The following TOMM7 variants were observed in gnomAD, a reference collection of about 807,000 sequenced individuals.
TOMM7 encodes mitochondrial import receptor subunit TOM7 homolog.
In TOMM7, 8 loss-of-function variants were observed where a neutral mutation model predicts 9.5. That is an observed-to-expected ratio of 0.84 (90% CI 0.49 to 1.51). The LOEUF is 1.51. TOMM7 is among the 40% of genes most tolerant of loss of function. The probability of loss-of-function intolerance (pLI) is 0.00; values close to 1 mark genes in which losing one functional copy is unlikely to be tolerated. For synonymous variants in TOMM7, 27 were observed against 21.4 expected (o/e 1.26, Z -0.72); for missense variants, 74 against 63.7 (o/e 1.16, Z -0.55).
chr7:22,820,802 A>C (rs1782377480), intron 1 of TOMM7, among the ~76,000 whole-genome samples: 1 of 152,212 alleles, frequency 6.6e-6, no homozygotes, highest in Non-Finnish European at 1.5e-5. Context: ...CTAGAAAAGT[A>C]ATGTTTTTTT....
In TOMM7 at chr7:22,822,117, C is replaced by T. The variant is rs779896642; in HGVS notation, c.103+560G>A. ...TCCCTCAGTCAGCATAGCTGTGCGACCTTGGCAAAAAAGTTTCTCTACGGC... is the reference window on the plus strand; with the variant it reads ...TCCCTCAGTCAGCATAGCTGTGCGATCTTGGCAAAAAAGTTTCTCTACGGC... On this transcript the variant is annotated intron_variant, in intron 1 of 2. Transcript: ENST00000358435. The T allele has an allele frequency of 1.1e-4, 176 of 1,547,776 alleles. No homozygotes were observed. The African/African-American group carries it at 2.2e-3, about 20-fold the overall frequency.
chr7:22,816,505 G>A (rs1433986091), intron 2 of TOMM7, among the ~76,000 whole-genome samples: 1 of 152,200 alleles, frequency 6.6e-6, no homozygotes, highest in Non-Finnish European at 1.5e-5. Context: ...AGGACTTAGT[G>A]GGGAATCTCT....
chr7:22,817,133 A>G (rs536666990), intron 2 of TOMM7, among the ~76,000 whole-genome samples: 1 of 152,344 alleles, frequency 6.6e-6, no homozygotes, highest in East Asian at 1.9e-4. Context: ...TAGTGCCACA[A>G]GTATCAGTCG....
chr7:22,822,377 T>C (rs1415511627), intron 1 of TOMM7: 2 of 1,232,082 alleles, frequency 1.6e-6, no homozygotes, highest in Non-Finnish European at 2.2e-6. Context: ...ATTAGTGACT[T>C]TCACATCCAC....
chr7:22,816,613 G>C (rs1782320207), intron 2 of TOMM7, among the ~76,000 whole-genome samples: 2 of 152,190 alleles, frequency 1.3e-5, no homozygotes, highest in Admixed American at 6.6e-5. Flanking sequence ...AACTTTATCA[G>C]GGAAAACAGA....
intron 2 of TOMM7, chr7:22,817,433 G>T (rs1583463145): frequency 6.0e-6 from 1 of 165,352 alleles, no homozygotes; most frequent in Non-Finnish European, 1.3e-5. Context: ...TGGTAGAGAT[G>T]GGTCTCGCTA....
At chr7:22,814,754 G>C (rs975128918) in intron 2 of TOMM7, among the ~76,000 whole-genome samples, 1 of 152,094 alleles carries the variant, frequency 6.6e-6, no homozygotes, top group Non-Finnish European at 1.5e-5. Flanking sequence ...GGGTGAAAGA[G>C]GATACTAAGA....
At position 22,819,728 on chromosome 7, in the gene TOMM7, G is replaced by T. The variant is rs138450289; in HGVS notation, c.104-1680C>A. 3.3e-5 allele frequency among the ~76,000 whole-genome samples: 5 copies of T among 152,166 alleles called. No homozygotes were observed. In the East Asian group the frequency reaches 7.7e-4, roughly 24 times the overall value. ...AAGCATGTCTCTCTTTGCTCTGGCTGAAGGTACTATTTTCCAAGGCTCTTC... is the reference window on the plus strand; with the variant it reads ...AAGCATGTCTCTCTTTGCTCTGGCTTAAGGTACTATTTTCCAAGGCTCTTC... On this transcript the variant is annotated intron_variant, in intron 1 of 2. Coordinates refer to ENST00000358435, the MANE Select transcript of TOMM7 (RefSeq NM_019059.5).
At position 22,813,178 on chromosome 7, in the gene TOMM7, A is replaced by T; in HGVS notation, c.160T>A (p.Trp54Arg). Residue 54 changes from tryptophan to arginine, a missense_variant, in exon 3 of 3, where the codon TGG (tryptophan) becomes AGG (arginine). Transcript: ENST00000358435. ...GAAGACCAAATAATCCTTTATCCCC[A>T]AAGTAGGCTAAAATGTTTGTGAAGA... ...MPEPTVLSLLWG is the reference protein window; with the variant it reads ...MPEPTVLSLLRG 2 of 1,613,104 alleles carry T rather than the reference A, an allele frequency of 1.2e-6. No homozygotes were observed. The highest frequency in any genetic ancestry group is 1.7e-6 in the Non-Finnish European group (2 of 1,179,596).
intron 1 of TOMM7, chr7:22,818,370 C>G (rs533208086): frequency 1.0e-5 from 2 of 196,308 alleles, no homozygotes; most frequent in East Asian, 2.6e-4. Context: ...CTCTGCCTCC[C>G]AGGCTCAAGC....
intron 2 of TOMM7, among the ~76,000 whole-genome samples, chr7:22,814,914 G>A (rs540654852): frequency 5.3e-5 from 8 of 152,258 alleles, no homozygotes; most frequent in East Asian, 1.9e-4. Context: ...TAAATTTTAC[G>A]TTAATAAAAA....
intron 1 of TOMM7, chr7:22,818,262 C>G: frequency 4.1e-6 from 2 of 484,038 alleles, no homozygotes; most frequent in Non-Finnish European, 7.6e-6. Flanking sequence ...GTAGGAAGAA[C>G]AAGCTATCTT....
In TOMM7 at chr7:22,819,618, G is replaced by A. The variant is rs146361563; in HGVS notation, c.104-1570C>T. 2.4e-3 allele frequency among the ~76,000 whole-genome samples: 359 copies of A among 152,256 alleles called. 4 individuals carry two copies. The highest frequency in any genetic ancestry group is 4.1e-3 in the Non-Finnish European group (281 of 68,002). On this transcript the variant is annotated intron_variant, in intron 1 of 2. Coordinates refer to ENST00000358435, the MANE Select transcript of TOMM7 (RefSeq NM_019059.5). ...ACTCCTGACCCCTGGTAATCCACCC[G>A]CCCCAGCCTCCTGCACATGTGGTGG...
chr7:22,820,412 C>G (rs1206812503), intron 1 of TOMM7, among the ~76,000 whole-genome samples: 1 of 152,188 alleles, frequency 6.6e-6, no homozygotes, highest in Non-Finnish European at 1.5e-5. Context: ...CACGAAGCCC[C>G]TGGCATGCAG....
At chr7:22,815,348 G>C (rs989720549) in intron 2 of TOMM7, among the ~76,000 whole-genome samples, 2 of 151,980 alleles carry the variant, frequency 1.3e-5, no homozygotes, top group African/African-American at 4.8e-5. Context: ...CTAGCATGCA[G>C]GTCCAGCCTA....
intron 1 of TOMM7, among the ~76,000 whole-genome samples, chr7:22,821,483 G>T (rs1233197803): frequency 6.6e-6 from 1 of 151,852 alleles, no homozygotes; most frequent in Non-Finnish European, 1.5e-5. Context: ...CAGCACTTTG[G>T]GAGGCCGCGC....
intron 2 of TOMM7, chr7:22,817,226 TATATGA>T (rs1782328055): frequency 6.5e-6 from 1 of 152,698 alleles, no homozygotes; most frequent in Admixed American, 6.5e-5. Context: ...CATACATATG[TATATGA>T]ATATGTATAC....
chr7:22,822,574 G>C, intron 1 of TOMM7, 103 bp downstream of exon 1: 1 of 1,011,514 alleles, frequency 9.9e-7, no homozygotes, highest in Non-Finnish European at 1.5e-6. Flanking sequence ...GTGCACGGCA[G>C]TGTCCCCTAT....
intron 2 of TOMM7, among the ~76,000 whole-genome samples, chr7:22,817,183 T>C (rs576542623): frequency 1.3e-5 from 2 of 152,280 alleles, no homozygotes; most frequent in South Asian, 2.1e-4. Flanking sequence ...ATTATACCTA[T>C]ATATATAATT....
Sources: allele counts gnomAD v4.1 joint callset (sites outside exome capture counted in the v4.1 genomes callset), GRCh38; gene constraint gnomAD v4.1.1; transcripts MANE v1.5; gene names NCBI Gene and HGNC (gene_info 2026-07-23, HGNC 2026-07-21).